Variants in CRB2 observed in about 807,000 individuals in gnomAD.
The protein encoded by CRB2 is crumbs cell polarity complex component 2.
In CRB2, 85 loss-of-function variants were observed where a neutral mutation model predicts 110.9. That is an observed-to-expected ratio of 0.77 (90% CI 0.64 to 0.92). CRB2 has a LOEUF of 0.92. Among genes scored for constraint, CRB2 ranks in the 40% least tolerant of loss-of-function variants. The pLI, the probability that CRB2 is intolerant of heterozygous loss-of-function variation, is 0.00. For missense variants in CRB2, 1,843 were observed against 1,851.3 expected, an observed-to-expected ratio of 1.00 and a Z score of 0.08; for synonymous variants, 907 against 831.0, an observed-to-expected ratio of 1.09 and a Z score of -1.57.
Position 123,367,439 on chromosome 9 carries a change from CCCCCCCA to C in CRB2, c.940+87_940+93del, listed in dbSNP as rs2041952395. 20 of 987,024 alleles carry C rather than the reference CCCCCCCA, an allele frequency of 2.0e-5. No individual in the cohort carries two copies. In the African/African-American group the frequency reaches 2.7e-4, roughly 13 times the overall value. The allele number at this position is 987,024 out of a possible 1,614,324, so 61.1% of individuals were successfully genotyped here. A position where few individuals can be genotyped will look rare whatever the true frequency, so the allele number is the denominator to read the frequency against. ...TGTGCCCACCCCCCCACCCCCCCCA[CCCCCCCA>C]CCCCACACCCCACACCCGAGTCTGC... On this transcript the variant is annotated intron_variant, in intron 5 of 12. Coordinates refer to ENST00000373631, the MANE Select transcript of CRB2 (RefSeq NM_173689.7).
rs67785297 is a variant in CRB2 at position 123,375,567 on chromosome 9, A to G, written c.3633+224A>G. ...GTCACCGTCTATTGACAAGAGCACA[A>G]AGCTCCTAGCTGGGTCAGCGGCTTC... On this transcript the variant is annotated intron_variant, in intron 12 of 12. Transcript: ENST00000373631. 0.13 allele frequency among the ~76,000 whole-genome samples: 19,304 copies of G among 152,200 alleles called. 1,473 individuals carry two copies. Among genetic ancestry groups the G allele is most frequent in the East Asian group, 0.28 (1,462 of 5,166 alleles).
intron 8 of CRB2, 130 bp from the exon 9 acceptor site, chr9:123,372,047 C>T: frequency 2.2e-6 from 2 of 917,392 alleles, no homozygotes; most frequent in South Asian, 1.7e-5. Context: ...TTAGCGACTT[C>T]CTCTCCCCTC....
Position 123,377,624 on chromosome 9 carries a change from G to A in CRB2, c.*562G>A, listed in dbSNP as rs2042123157. On this transcript the variant is annotated 3_prime_UTR_variant, in exon 13 of 13. Coordinates refer to ENST00000373631, the MANE Select transcript of CRB2 (RefSeq NM_173689.7). ...GGCACCTCCTTCCCCGCCTCTGGGGGCTGCTCCTGCTGTGGAGGCAGCTGG... is the reference window on the plus strand; with the variant it reads ...GGCACCTCCTTCCCCGCCTCTGGGGACTGCTCCTGCTGTGGAGGCAGCTGG... The A allele has an allele frequency of 6.6e-6, 1 of 152,394 alleles. No individual in the cohort carries two copies. The highest frequency in any genetic ancestry group is 2.4e-5 in the African/African-American group (1 of 41,470). 9.4% of individuals were successfully genotyped at this position (152,394 alleles called of 1,614,324 possible).
chr9:123,373,410 G>A lies in CRB2; in HGVS notation c.2879G>A (p.Arg960His), dbSNP rs889392526. 2.0e-5 allele frequency: 29 copies of A among 1,444,604 alleles called. No homozygotes were observed. In the Middle Eastern group the frequency reaches 6.8e-4, roughly 34 times the overall value. The allele number at this position is 1,444,604 out of a possible 1,614,324, so 89.5% of individuals were successfully genotyped here. A position where few individuals can be genotyped will look rare whatever the true frequency, so the allele number is the denominator to read the frequency against. Residue 960 changes from arginine to histidine, a missense_variant, in exon 10 of 13, where the codon CGT becomes CAT. Transcript: ENST00000373631. ...GCCGATGGTGCCTGGCACCGCGTGC[G>A]TCTGGCCATGGAGCGCCCGGCGGCC... ...RVADGAWHRV[R>H]LAMERPAATT...
chr9:123,366,298 C>T lies in CRB2; in HGVS notation c.686C>T (p.Ser229Leu), dbSNP rs757246055. The change falls in exon 4 of 13, where the codon TCG becomes TTG. Residue 229 changes from serine to leucine, a missense_variant. Physicochemically the swap from Ser to Leu is moderately radical, Grantham distance 145 (BLOSUM62 -2). Transcript: ENST00000373631. ...GAGCGGGAGGTGCTGGAGTGCGCAT[C>T]GGCGCCCTGCGAGCACAACGCGTCC... ...HCEREVLECA[S>L]APCEHNASCL... 4 of 1,523,106 alleles carry T rather than the reference C, an allele frequency of 2.6e-6. No homozygotes were observed. Among genetic ancestry groups the T allele is most frequent in the African/African-American group, 2.9e-5 (2 of 69,540 alleles). 94.3% of individuals were successfully genotyped at this position (1,523,106 alleles called of 1,614,324 possible).
chr9:123,378,987 C>CCAT (rs1170929171), downstream of CRB2, among the ~76,000 whole-genome samples: 12 of 151,596 alleles, frequency 7.9e-5, no homozygotes, highest in Admixed American at 7.9e-4. Flanking sequence ...CGGGGCTTCA[C>CCAT]CATCTTGGCC....
At position 123,364,164 on chromosome 9, in the gene CRB2, A is replaced by G. The variant is rs367872947; in HGVS notation, c.418+976A>G. 2.0e-5 allele frequency among the ~76,000 whole-genome samples: 3 copies of G among 152,320 alleles called. No individual in the cohort carries two copies. The East Asian group carries it at 5.8e-4, about 29-fold the overall frequency. On this transcript the variant is annotated intron_variant, in intron 2 of 12. Transcript: ENST00000373631. ...TTCCATGCATCTTTCTCATCGTTCC[A>G]GTGTCTCAGCGTCTGGGTGTATTAG... is the stretch of plus-strand genomic sequence containing the variant.
chr9:123,368,287 A>G (rs527700117), intron 6 of CRB2, among the ~76,000 whole-genome samples: 9 of 152,148 alleles, frequency 5.9e-5, no homozygotes, highest in African/African-American at 1.9e-4. Context: ...CAGGGGAAAG[A>G]GATGGTGGTC....
intron 11 of CRB2, 71 bp downstream of exon 11, chr9:123,374,766 G>T (rs1030049818): frequency 8.9e-7 from 1 of 1,128,854 alleles, no homozygotes; most frequent in African/African-American, 1.5e-5. Flanking sequence ...AGCCAGGGTG[G>T]GGCGGGGGTC....
chr9:123,368,480 CG>C, intron 6 of CRB2, among the ~76,000 whole-genome samples: 1 of 152,364 alleles, frequency 6.6e-6, no homozygotes, highest in Admixed American at 6.5e-5. Context: ...CCACACAGCA[CG>C]TCTGGCCTCT....
chr9:123,356,633 G>A (rs1202807412), intron 1 of CRB2, among the ~76,000 whole-genome samples: 2 of 152,022 alleles, frequency 1.3e-5, no homozygotes, highest in Non-Finnish European at 1.5e-5. Context: ...GAGCTGATGC[G>A]GGTGAGGGAT....
chr9:123,365,004 G>A (rs1262123373), intron 2 of CRB2, among the ~76,000 whole-genome samples: 1 of 152,220 alleles, frequency 6.6e-6, no homozygotes, highest in African/African-American at 2.4e-5. Context: ...GCTCACGCCT[G>A]TAATCCCAGC....
At chr9:123,357,832 C>T (rs1238743373) in intron 1 of CRB2, among the ~76,000 whole-genome samples, 1 of 152,240 alleles carries the variant, frequency 6.6e-6, no homozygotes, top group Non-Finnish European at 1.5e-5. Context: ...CACCTACCTA[C>T]ACACATGGCA....
At position 123,373,168 on chromosome 9, in the gene CRB2, CG is replaced by C; in HGVS notation, c.2638del (p.Ala880ProfsTer261). On this transcript the variant is annotated frameshift_variant, in exon 10 of 13. Transcript: ENST00000373631. LOFTEE classifies it high-confidence loss of function. ...AEATFREGPP[A>X]AFSGHNASSG... ...AGGCCACGTTCCGCGAGGGTCCCCC[CG>C]CCGCGTTCAGCGGGCACAACGCGTC... The C allele has an allele frequency of 6.6e-7, 1 of 1,514,012 alleles. No individual in the cohort carries two copies. The highest frequency in any genetic ancestry group is 8.8e-7 in the Non-Finnish European group (1 of 1,136,972). 93.8% of individuals were successfully genotyped at this position (1,514,012 alleles called of 1,614,324 possible).
intron 2 of CRB2, among the ~76,000 whole-genome samples, chr9:123,363,888 G>C (rs966779279): frequency 6.6e-6 from 1 of 152,234 alleles, no homozygotes; most frequent in South Asian, 2.1e-4. Flanking sequence ...CTGAAGTCGG[G>C]AAGGAGGGCG....
chr9:123,363,701 G>T (rs754260079), intron 2 of CRB2, among the ~76,000 whole-genome samples: 10 of 152,160 alleles, frequency 6.6e-5, no homozygotes, highest in Non-Finnish European at 1.2e-4. Flanking sequence ...ACAAGGTCTC[G>T]TTCAAACTGT....
chr9:123,359,913 T>C (rs986564517), intron 1 of CRB2, among the ~76,000 whole-genome samples: 1 of 152,128 alleles, frequency 6.6e-6, no homozygotes, highest in African/African-American at 2.4e-5. Flanking sequence ...CAGGCTGATA[T>C]TGGAAGCTGT....
At position 123,370,983 on chromosome 9, in the gene CRB2, G is replaced by A. The variant is rs2042007074; in HGVS notation, c.1927+3G>A. The A allele has an allele frequency of 1.9e-6, 3 of 1,600,822 alleles. No homozygotes were observed. The highest frequency in any genetic ancestry group is 1.3e-5 in the African/African-American group (1 of 74,824). ...TAGAGGTCCCACGTGCGCTGATGGTGAGGAATAAGCCAGGTGGGAAGGCAG... is the reference window on the plus strand; with the variant it reads ...TAGAGGTCCCACGTGCGCTGATGGTAAGGAATAAGCCAGGTGGGAAGGCAG... On this transcript the variant is annotated splice_donor_region_variant and intron_variant, in intron 7 of 12. Coordinates refer to ENST00000373631, the MANE Select transcript of CRB2 (RefSeq NM_173689.7).
At chr9:123,372,729 G>A (rs2132786862) in intron 9 of CRB2, among the ~76,000 whole-genome samples, 1 of 152,318 alleles carries the variant, frequency 6.6e-6, no homozygotes. Flanking sequence ...CCTCTGGAGG[G>A]TTTTAAACAG....
Sources: allele counts gnomAD v4.1 joint callset (sites outside exome capture counted in the v4.1 genomes callset), GRCh38; gene constraint gnomAD v4.1.1; transcripts MANE v1.5; gene names NCBI Gene and HGNC (gene_info 2026-07-23, HGNC 2026-07-21).